The following DENND1A variants were observed in gnomAD, a reference collection of about 807,000 sequenced individuals.
DENND1A encodes the protein DENN domain-containing protein 1A.
A neutral mutation model predicts 113.7 loss-of-function variants in DENND1A; 51 were observed. That is an observed-to-expected ratio of 0.45 (90% CI 0.36 to 0.57). The LOEUF is 0.57. DENND1A is among the 20% of genes least tolerant of loss of function. The pLI, the probability that DENND1A is intolerant of heterozygous loss-of-function variation, is 0.00. For synonymous variants in DENND1A, 565 were observed against 570.8 expected (o/e 0.99, Z 0.14); for missense variants, 1,258 against 1,395.9 (o/e 0.90, Z 1.57).
chr9:123,616,077 G>A (rs1031802448), intron 10 of DENND1A, among the ~76,000 whole-genome samples: 1 of 152,060 alleles, frequency 6.6e-6, no homozygotes, highest in African/African-American at 2.4e-5. Flanking sequence ...TTACAGGTGC[G>A]TACTACCACG....
chr9:123,768,279 G>A (rs1829155751), intron 4 of DENND1A, among the ~76,000 whole-genome samples: 1 of 152,172 alleles, frequency 6.6e-6, no homozygotes, highest in African/African-American at 2.4e-5. Context: ...GATTAGAAGT[G>A]GCTGGCAACA....
intron 13 of DENND1A, among the ~76,000 whole-genome samples, chr9:123,509,087 G>A (rs1345420820): frequency 6.6e-6 from 1 of 152,124 alleles, no homozygotes; most frequent in Non-Finnish European, 1.5e-5. Context: ...TGCTTGATCT[G>A]ATATACTAGG....
chr9:123,853,243 T>G (rs747682201), intron 2 of DENND1A, among the ~76,000 whole-genome samples: 1 of 151,762 alleles, frequency 6.6e-6, no homozygotes, highest in Non-Finnish European at 1.5e-5. Flanking sequence ...AAATAACCAG[T>G]GATCAGTTAT....
chr9:123,790,323 T>C (rs2132015743), intron 3 of DENND1A, among the ~76,000 whole-genome samples: 1 of 152,234 alleles, frequency 6.6e-6, no homozygotes, highest in East Asian at 1.9e-4. Context: ...TTCTGGGAAT[T>C]TGAAGATAAT....
intron 10 of DENND1A, among the ~76,000 whole-genome samples, chr9:123,624,661 T>G (rs1168430682): frequency 1.3e-5 from 2 of 152,198 alleles, no homozygotes; most frequent in Non-Finnish European, 2.9e-5. Flanking sequence ...AAACTCAACC[T>G]TAATTTTCTG....
chr9:123,557,311 C>T (rs557748973), intron 13 of DENND1A, among the ~76,000 whole-genome samples: 6 of 152,184 alleles, frequency 3.9e-5, no homozygotes, highest in African/African-American at 7.2e-5. Context: ...GCATCTGACA[C>T]GCGGTTGGGG....
chr9:123,870,448 T>C (rs1255840942), intron 2 of DENND1A, among the ~76,000 whole-genome samples: 1 of 151,118 alleles, frequency 6.6e-6, no homozygotes, highest in African/African-American at 2.4e-5. Flanking sequence ...TTTTTTTTTT[T>C]TTTTTTTGAG....
At chr9:123,513,391 T>A (rs1003312779) in intron 13 of DENND1A, among the ~76,000 whole-genome samples, 4 of 152,244 alleles carry the variant, frequency 2.6e-5, no homozygotes, top group Non-Finnish European at 5.9e-5. Flanking sequence ...TAAGAAACAC[T>A]TTTTAGGGTG....
intron 5 of DENND1A, among the ~76,000 whole-genome samples, chr9:123,699,522 C>T (rs1264225271): frequency 3.3e-5 from 5 of 151,986 alleles, no homozygotes; most frequent in African/African-American, 1.2e-4. Flanking sequence ...AGGTTCCCCC[C>T]TCACCCTGGC....
intron 21 of DENND1A, among the ~76,000 whole-genome samples, chr9:123,397,359 T>TGG (rs780209075): frequency 6.6e-6 from 1 of 152,230 alleles, no homozygotes; most frequent in Non-Finnish European, 1.5e-5. Flanking sequence ...TTTGCCATGT[T>TGG]GGCCAGGCTG....
intron 19 of DENND1A, chr9:123,413,766 A>T: frequency 2.0e-6 from 2 of 985,454 alleles, no homozygotes; most frequent in Non-Finnish European, 2.4e-6. Flanking sequence ...AGGGATGGGC[A>T]AGGCCACCAT....
At chr9:123,669,638 C>T (rs1297761216) in intron 7 of DENND1A, among the ~76,000 whole-genome samples, 5 of 152,196 alleles carry the variant, frequency 3.3e-5, no homozygotes, top group Non-Finnish European at 7.3e-5. Context: ...AGCTACCTGT[C>T]GGATGTCATT....
rs141112482 is a variant in DENND1A, at chr9:123,440,137, C to G, written c.1488+223G>C. ...ATTTAATGACTTCATTCAACAGTCC[C>G]GCTCATTTATGACCTCAGCCGTGCT... On this transcript the variant is annotated intron_variant, in intron 19 of 23. Transcript: ENST00000394215. 1.8e-3 allele frequency: 864 copies of G among 473,986 alleles called. 8 individuals are homozygous for G. Among genetic ancestry groups the G allele is most frequent in the African/African-American group, 0.016 (779 of 48,144 alleles). The allele number at this position is 473,986 out of a possible 1,614,324, so 29.4% of individuals were successfully genotyped here. A position where few individuals can be genotyped will look rare whatever the true frequency, so the allele number is the denominator to read the frequency against.
At chr9:123,628,057 T>C (rs926097452) in intron 10 of DENND1A, among the ~76,000 whole-genome samples, 1 of 152,090 alleles carries the variant, frequency 6.6e-6, no homozygotes, top group Non-Finnish European at 1.5e-5. Flanking sequence ...CAGGCAGTAA[T>C]GGAGCAGAGA....
chr9:123,556,678 G>A lies in DENND1A; in HGVS notation c.993+892C>T, dbSNP rs10818835. Among the ~76,000 whole-genome samples, 617 of 152,256 alleles carry A rather than the reference G, an allele frequency of 4.1e-3. 6 individuals carry two copies. The highest frequency in any genetic ancestry group is 0.014 in the African/African-American group (589 of 41,558). On this transcript the variant is annotated intron_variant, in intron 13 of 23. Coordinates refer to ENST00000394215, the MANE Select transcript of DENND1A (RefSeq NM_001352964.2). ...CTGGGTGTGACAGCGTCACTCACCC[G>A]TTCAAGACGAAGGCAGCCCTGTGCT...
At chr9:123,657,923 C>G (rs1263126932) in intron 8 of DENND1A, among the ~76,000 whole-genome samples, 2 of 151,812 alleles carry the variant, frequency 1.3e-5, no homozygotes, top group East Asian at 3.8e-4. Flanking sequence ...AGAGTTTACT[C>G]AGAGGTCAAC....
intron 1 of DENND1A, among the ~76,000 whole-genome samples, chr9:123,885,296 AC>A (rs902259331): frequency 2.6e-5 from 4 of 152,230 alleles, no homozygotes; most frequent in African/African-American, 9.6e-5. Context: ...AAGGTTGAGA[AC>A]CACTGGTGTG....
At chr9:123,453,616 G>T (rs1278237478) in intron 16 of DENND1A, among the ~76,000 whole-genome samples, 1 of 152,112 alleles carries the variant, frequency 6.6e-6, no homozygotes, top group Non-Finnish European at 1.5e-5. Flanking sequence ...GTCTGTGGTG[G>T]TTTAAAAAAA....
chr9:123,626,208 G>A (rs554974869), intron 10 of DENND1A, among the ~76,000 whole-genome samples: 2 of 152,098 alleles, frequency 1.3e-5, no homozygotes, highest in Non-Finnish European at 2.9e-5. Context: ...CTACCTTTTA[G>A]AGCACACATC....
Sources: gnomAD v4.1 joint callset for allele counts (sites outside exome capture counted in the v4.1 genomes callset) on GRCh38, gnomAD v4.1.1 for gene constraint, MANE v1.5 for transcripts, NCBI Gene and HGNC (gene_info 2026-07-23, HGNC 2026-07-21) for gene names.